ARID2: variants seen among roughly 807,000 people sequenced by gnomAD.
ARID2 encodes the protein AT-rich interactive domain-containing protein 2.
Under a neutral mutation model 184.6 loss-of-function variants are expected in ARID2, and 32 were observed. That is an observed-to-expected ratio of 0.17 (90% CI 0.13 to 0.23). ARID2 has a LOEUF of 0.23. ARID2 is among the 10% of genes least tolerant of loss of function. The pLI is 1.00. For missense variants in ARID2, 1,696 were observed against 2,197.6 expected, an observed-to-expected ratio of 0.77 and a Z score of 4.56; for synonymous variants, 836 against 772.6, an observed-to-expected ratio of 1.08 and a Z score of -1.36.
intron 12 of ARID2, among the ~76,000 whole-genome samples, 163 bp downstream of exon 12, chr12:45,847,100 T>C (rs1006209089): frequency 6.6e-6 from 1 of 152,158 alleles, no homozygotes; most frequent in Non-Finnish European, 1.5e-5. Flanking sequence ...AATCCCCTTG[T>C]ATATTGGAAT....
intron 4 of ARID2, among the ~76,000 whole-genome samples, chr12:45,811,920 G>A (rs1407965944): frequency 2.0e-5 from 3 of 151,980 alleles, no homozygotes; most frequent in Non-Finnish European, 2.9e-5. Flanking sequence ...AACATTAATG[G>A]GATTTCCAGC....
At chr12:45,816,371 G>C (rs1942802911) in intron 4 of ARID2, among the ~76,000 whole-genome samples, 1 of 152,122 alleles carries the variant, frequency 6.6e-6, no homozygotes, top group Non-Finnish European at 1.5e-5. Context: ...GAAAATATGT[G>C]CAAAGCAAAT....
In ARID2 at chr12:45,796,222, A is replaced by G. The variant is rs117036532; in HGVS notation, c.285-15196A>G. ...ATTTTACATATATTCACTTACAAATATTTAAATAGAATCATACTGTATGAT... is the reference window on the plus strand; with the variant it reads ...ATTTTACATATATTCACTTACAAATGTTTAAATAGAATCATACTGTATGAT... On this transcript the variant is annotated intron_variant, in intron 3 of 20. Transcript: ENST00000334344. Among the ~76,000 whole-genome samples, 1,264 of 152,150 alleles carry G rather than the reference A, an allele frequency of 8.3e-3. 8 individuals are homozygous for G. Among genetic ancestry groups the G allele is most frequent in the Middle Eastern group, 0.017 (5 of 294 alleles).
rs144958887 is a variant in ARID2 at position 45,798,383 on chromosome 12, T to C, written c.285-13035T>C. The stretch of plus-strand genomic sequence containing the variant: ...GTCTTGGCTAATTTCAGAAGAGATA[T>C]TTACAGGAAATCTGGAAAACCAGGA... On this transcript the variant is annotated intron_variant, in intron 3 of 20. Transcript: ENST00000334344. Among the ~76,000 whole-genome samples, 190 of 152,312 alleles carry C rather than the reference T, an allele frequency of 1.2e-3. 3 individuals carry two copies. In the East Asian group the frequency reaches 0.033, roughly 26 times the overall value.
intron 20 of ARID2, among the ~76,000 whole-genome samples, chr12:45,902,535 AT>A (rs113598888): frequency 0.015 from 2,245 of 145,222 alleles, 44 homozygotes; most frequent in African/African-American, 0.045. Flanking sequence ...TATTTTGTAA[AT>A]TTTTTTTTTT....
chr12:45,877,573 G>A lies in ARID2; in HGVS notation c.4923-14207G>A, dbSNP rs377699273. 2.3e-3 allele frequency among the ~76,000 whole-genome samples: 351 copies of A among 152,042 alleles called. 13 individuals carry two copies. In the South Asian group the frequency reaches 0.068, roughly 29 times the overall value. ...ATAAAGTGTACAATAAATGTAATGC[G>A]CTTGAATCATCCCAAAACCATCCCC... On this transcript the variant is annotated intron_variant, in intron 16 of 20. Coordinates refer to ENST00000334344, the MANE Select transcript of ARID2 (RefSeq NM_152641.4).
chr12:45,876,486 G>C (rs561081571), intron 16 of ARID2, among the ~76,000 whole-genome samples: 1 of 151,534 alleles, frequency 6.6e-6, no homozygotes, highest in African/African-American at 2.4e-5. Context: ...GAAGGTGGAG[G>C]TTGCGGTGAG....
chr12:45,830,171 T>C (rs890674283), intron 6 of ARID2, among the ~76,000 whole-genome samples: 19 of 151,828 alleles, frequency 1.3e-4, no homozygotes, highest in African/African-American at 4.6e-4. Context: ...CTAATTTTAC[T>C]TATTCCATGG....
Position 45,860,957 on chromosome 12 carries a change from G to T in ARID2, c.4922+8G>T. ...GTGGCAGTCTTGTAAAAAGTAAATG[G>T]CAATTTTATTTGATATATAAAAGTA... On this transcript the variant is annotated splice_region_variant and intron_variant, in intron 16 of 20. Coordinates refer to ENST00000334344, the MANE Select transcript of ARID2 (RefSeq NM_152641.4). 2 of 1,528,224 alleles carry T rather than the reference G, an allele frequency of 1.3e-6. No homozygotes were observed. Among genetic ancestry groups the T allele is most frequent in the Non-Finnish European group, 1.8e-6 (2 of 1,137,102 alleles). The allele number at this position is 1,528,224 out of a possible 1,614,324, so 94.7% of individuals were successfully genotyped here.
intron 5 of ARID2, among the ~76,000 whole-genome samples, chr12:45,819,895 C>T (rs924987072): frequency 2.0e-5 from 3 of 151,900 alleles, no homozygotes; most frequent in Non-Finnish European, 2.9e-5. Context: ...GAGTGAGCAC[C>T]ACCACACCTG....
chr12:45,852,110 A>C lies in ARID2; in HGVS notation c.3987A>C (p.Glu1329Asp), dbSNP rs1381774328. 5 of 1,614,072 alleles carry C rather than the reference A, an allele frequency of 3.1e-6. No individual in the cohort carries two copies. The Admixed American group carries it at 6.7e-5, about 22-fold the overall frequency. The change falls in exon 15 of 21, where the codon GAA becomes GAC. Residue 1329 changes from glutamate (E) to aspartate (D), a missense_variant. Around this residue, in one of 11 missense-constraint regions of ARID2, gnomAD observed 428 missense variants for 409.1 expected, o/e 1.05. Transcript: ENST00000334344. ...TAATCAGTAATGGGCCATCATTGGA[A>C]TTAGGTGAGAATGGAGCATCTGGGA... ...CSLISNGPSL[E>D]LGENGASGKQ... is the part of the protein sequence containing the mutation.
rs77870470 is a variant in ARID2 at position 45,851,486 on chromosome 12, G to T, written c.3363G>T (p.Leu1121Phe). 6.2e-7 allele frequency: 1 copy of T among 1,614,102 alleles called. No homozygotes were observed. The highest frequency in any genetic ancestry group is 1.1e-5 in the South Asian group (1 of 91,084). The change falls in exon 15 of 21, where the codon TTG (leucine) becomes TTT (phenylalanine). Residue 1121 changes from leucine to phenylalanine, a missense_variant. Coordinates refer to ENST00000334344, the MANE Select transcript of ARID2 (RefSeq NM_152641.4). The part of the protein sequence containing the change: ...VQGQTPAQQL[L>F]VGQQNVQLVP... The stretch of plus-strand genomic sequence containing the variant: ...GGCAAACTCCAGCTCAGCAGCTATT[G>T]GTTGGGCAGCAAAATGTTCAGTTGG...
chr12:45,750,412 G>T (rs1263244049), intron 3 of ARID2, among the ~76,000 whole-genome samples: 1 of 152,202 alleles, frequency 6.6e-6, no homozygotes, highest in African/African-American at 2.4e-5. Context: ...GAAAAAGTTT[G>T]AAATATTGGG....
At chr12:45,818,416 G>A (rs1036677848) in intron 5 of ARID2, among the ~76,000 whole-genome samples, 1 of 152,108 alleles carries the variant, frequency 6.6e-6, no homozygotes, top group African/African-American at 2.4e-5. Context: ...ATCACACAGA[G>A]CAAATTACTC....
chr12:45,733,232 A>G (rs981464188), intron 3 of ARID2, among the ~76,000 whole-genome samples: 2 of 152,232 alleles, frequency 1.3e-5, no homozygotes, highest in Non-Finnish European at 2.9e-5. Context: ...TACAAAAGAA[A>G]TATGCTGGTC....
intron 4 of ARID2, among the ~76,000 whole-genome samples, chr12:45,813,357 A>G (rs1250393148): frequency 1.3e-5 from 2 of 151,930 alleles, no homozygotes; most frequent in African/African-American, 4.8e-5. Flanking sequence ...AAAAATTGAC[A>G]TGATTATCAA....
chr12:45,894,972 G>A (rs1470904380), intron 20 of ARID2, among the ~76,000 whole-genome samples: 1 of 152,018 alleles, frequency 6.6e-6, no homozygotes, highest in Non-Finnish European at 1.5e-5. Flanking sequence ...TGCCTAGAAT[G>A]CCCTCCTCCC....
chr12:45,800,351 G>C (rs1190389113), intron 3 of ARID2, among the ~76,000 whole-genome samples: 1 of 152,072 alleles, frequency 6.6e-6, no homozygotes, highest in African/African-American at 2.4e-5. Context: ...TTCTAGGTTT[G>C]TTTACTTTAG....
intron 3 of ARID2, among the ~76,000 whole-genome samples, chr12:45,752,337 A>T (rs146818077): frequency 6.6e-6 from 1 of 152,352 alleles, no homozygotes; most frequent in African/African-American, 2.4e-5. Flanking sequence ...CCTTAAAAAC[A>T]GGAACTGTGT....
Sources: allele counts gnomAD v4.1 joint callset (sites outside exome capture counted in the v4.1 genomes callset), GRCh38; gene constraint gnomAD v4.1.1; regional missense constraint gnomAD v4.1.1; transcripts MANE v1.5; gene names NCBI Gene and HGNC (gene_info 2026-07-23, HGNC 2026-07-21).